The following FAM72A variants were observed in gnomAD, a reference collection of about 807,000 sequenced individuals.
FAM72A encodes the protein protein FAM72A.
Under a neutral mutation model 11.3 loss-of-function variants are expected in FAM72A, and 1 was observed. The ratio of observed to expected loss-of-function variants is 0.09; its 90% CI spans 0.03 to 0.42. FAM72A has a LOEUF of 0.42. Among genes scored for constraint, FAM72A ranks in the 10% least tolerant of loss-of-function variants. The pLI is 0.98. For synonymous variants in FAM72A, 5 were observed against 46.9 expected (o/e 0.11, Z 3.65); for missense variants, 15 against 135.5 (o/e 0.11, Z 4.41).
chr1:206,193,636 G>C (rs1664912549), intron 3 of FAM72A, among the ~76,000 whole-genome samples: 1 of 152,202 alleles, frequency 6.6e-6, no homozygotes, highest in Non-Finnish European at 1.5e-5. Context: ...TGCAGCTGGT[G>C]ACTTTAAGTT....
chr1:206,204,828 T>TTGGAGATACATTGAAG (rs1665740940), upstream of FAM72A: 1 of 129,548 alleles, frequency 7.7e-6, no homozygotes, highest in Admixed American at 7.5e-5. Flanking sequence ...CCCTATCCTC[T>TTGGAGATACATTGAAG]AACCCGTTTC....
At chr1:206,193,671 C>T (rs554874598) in intron 3 of FAM72A, among the ~76,000 whole-genome samples, 101 of 152,232 alleles carry the variant, frequency 6.6e-4, no homozygotes, top group African/African-American at 2.3e-3. Context: ...TTTACCGTTC[C>T]GAAATTTCTA....
chr1:206,190,618 C>A (rs1664732945), intron 3 of FAM72A, among the ~76,000 whole-genome samples: 1 of 126,920 alleles, frequency 7.9e-6, no homozygotes. Context: ...GGCCTGTAAT[C>A]CCAGCCCTTT....
At chr1:206,189,443 T>C (rs1402092763) in intron 3 of FAM72A, among the ~76,000 whole-genome samples, 2 of 144,778 alleles carry the variant, frequency 1.4e-5, no homozygotes, top group African/African-American at 5.2e-5. Flanking sequence ...TTGTTTATAA[T>C]AGAAAACGCT....
At chr1:206,203,515 C>T (rs1469333170), upstream of FAM72A, 50 of 503,658 alleles carry the variant, frequency 9.9e-5, no homozygotes, top group Non-Finnish European at 2.8e-5. Context: ...CCGGCGGGGT[C>T]CTGCGGAGTT....
chr1:206,203,314 C>A, upstream of FAM72A: 1 of 399,062 alleles, frequency 2.5e-6, no homozygotes, highest in Non-Finnish European at 4.4e-6. Context: ...ATCAGTTCTA[C>A]TTAGGGGTTC....
At position 206,193,479 on chromosome 1, in the gene FAM72A, C is replaced by A. The variant is rs1387840131; in HGVS notation, c.355+2273G>T. Among the ~76,000 whole-genome samples the A allele has an allele frequency of 2.6e-5, 4 of 152,270 alleles. No homozygotes were observed. The East Asian group carries it at 7.7e-4, about 29-fold the overall frequency. On this transcript the variant is annotated intron_variant, in intron 3 of 3. Transcript: ENST00000367128. ...AAGTCCTGGGATTATAGGCGTGAAC[C>A]ACTGCGTCCGGCAGAGATTTTTAAT...
At chr1:206,194,534 A>G in intron 3 of FAM72A, among the ~76,000 whole-genome samples, 1 of 151,556 alleles carries the variant, frequency 6.6e-6, no homozygotes, top group Non-Finnish European at 1.5e-5. Flanking sequence ...GGAAGAGTCA[A>G]TCCATGCGGC....
At chr1:206,203,483 G>T (rs1571545481), upstream of FAM72A, 1 of 445,120 alleles carries the variant, frequency 2.2e-6, no homozygotes, top group East Asian at 3.3e-5. Flanking sequence ...GCGGTGATTG[G>T]TAAAGGGGTG....
intron 3 of FAM72A, among the ~76,000 whole-genome samples, chr1:206,191,721 AT>A (rs1268885347): frequency 1.0e-5 from 1 of 98,802 alleles, no homozygotes; most frequent in African/African-American, 5.6e-5. Context: ...TTACTAAAAT[AT>A]TATTTTTTTT....
intron 3 of FAM72A, among the ~76,000 whole-genome samples, chr1:206,192,866 A>G (rs1182624986): frequency 3.8e-4 from 57 of 150,470 alleles, no homozygotes; most frequent in Non-Finnish European, 2.8e-4. Context: ...AGCTAAGATT[A>G]TGGATGAAGG....
chr1:206,194,340 A>G lies in FAM72A; in HGVS notation c.355+1412T>C, dbSNP rs1200582994. On this transcript the variant is annotated intron_variant, in intron 3 of 3. Transcript: ENST00000367128. ...AAAACGGTTTCTTGAGGTGAAATCTACTCTTGATGAAGATGCTGTAAATAT... is the reference window on the plus strand; with the variant it reads ...AAAACGGTTTCTTGAGGTGAAATCTGCTCTTGATGAAGATGCTGTAAATAT... Among the ~76,000 whole-genome samples the G allele has an allele frequency of 9.6e-3, 1,455 of 152,286 alleles. 26 individuals are homozygous for G. The highest frequency in any genetic ancestry group is 0.033 in the African/African-American group (1,372 of 41,552).
intron 2 of FAM72A, among the ~76,000 whole-genome samples, chr1:206,196,132 T>C (rs1299486086): frequency 6.8e-6 from 1 of 146,616 alleles, no homozygotes; most frequent in Non-Finnish European, 1.5e-5. Context: ...AGACCGAGTT[T>C]TGCTCTTGTC....
rs1664750563 is a variant in FAM72A at position 206,190,893 on chromosome 1, T to TA, written c.356-3521dup. ...CTCCAAAAAAAAAAAAAAAGTTCCT[T>TA]AAAATCAACTTGGTCTGTTGTGTAA... is the stretch of plus-strand genomic sequence containing the variant. On this transcript the variant is annotated intron_variant, in intron 3 of 3. Coordinates refer to ENST00000367128, the MANE Select transcript of FAM72A (RefSeq NM_001123168.3). 3.3e-5 allele frequency among the ~76,000 whole-genome samples: 5 copies of TA among 150,790 alleles called. No homozygotes were observed. The South Asian group carries it at 1.1e-3, about 32-fold the overall frequency.
At chr1:206,196,129 G>A (rs1314155185) in intron 2 of FAM72A, among the ~76,000 whole-genome samples, 60 of 146,690 alleles carry the variant, frequency 4.1e-4, no homozygotes, top group African/African-American at 1.4e-3. Flanking sequence ...TTGAGACCGA[G>A]TTTTGCTCTT....
intron 3 of FAM72A, among the ~76,000 whole-genome samples, chr1:206,189,193 T>G (rs1213976354): frequency 1.3e-5 from 2 of 152,138 alleles, no homozygotes; most frequent in Non-Finnish European, 2.9e-5. Context: ...TTTTTAAAAA[T>G]GTTGCAAATA....
chr1:206,203,023 G>C (rs1426669436), upstream of FAM72A: 10 of 153,770 alleles, frequency 6.5e-5, no homozygotes, highest in African/African-American at 2.4e-4. Context: ...CAGTAACGGT[G>C]CTGAGATCAA....
At chr1:206,198,041 G>A (rs1256176349) in intron 2 of FAM72A, among the ~76,000 whole-genome samples, 2 of 150,730 alleles carry the variant, frequency 1.3e-5, no homozygotes, top group Non-Finnish European at 2.9e-5. Context: ...CTAACATGGC[G>A]AAATCCCGTC....
intron 3 of FAM72A, among the ~76,000 whole-genome samples, chr1:206,191,455 C>T (rs1165566928): frequency 1.4e-5 from 2 of 146,904 alleles, no homozygotes; most frequent in Non-Finnish European, 3.0e-5. Context: ...CCTGTCTCTA[C>T]TAAAAATACA....
Sources: allele counts gnomAD v4.1 joint callset (sites outside exome capture counted in the v4.1 genomes callset), GRCh38; gene constraint gnomAD v4.1.1; transcripts MANE v1.5; gene names NCBI Gene and HGNC (gene_info 2026-07-23, HGNC 2026-07-21).